Variants in FMN1 observed in about 807,000 individuals in gnomAD.
The protein encoded by FMN1 is formin 1, also known as formin-1.
Under a neutral mutation model 132.4 loss-of-function variants are expected in FMN1, and 110 were observed. That is an observed-to-expected ratio of 0.83 (90% CI 0.71 to 0.97). FMN1 has a LOEUF of 0.97. Among genes scored for constraint, FMN1 ranks in the 50% least tolerant of loss-of-function variants. The pLI is 0.00. For missense variants in FMN1, 1,792 were observed against 1,705.3 expected (o/e 1.05, Z -0.90); for synonymous variants, 722 against 651.7 (o/e 1.11, Z -1.64).
intron 4 of FMN1, among the ~76,000 whole-genome samples, chr15:33,120,724 A>G (rs1330693585): frequency 1.3e-5 from 2 of 152,096 alleles, no homozygotes; most frequent in Admixed American, 1.3e-4. Context: ...TTTTACAGAC[A>G]TATATATAAG....
chr15:33,122,514 A>G (rs192143986), intron 4 of FMN1, among the ~76,000 whole-genome samples: 54 of 152,338 alleles, frequency 3.5e-4, no homozygotes, highest in African/African-American at 1.3e-3. Context: ...TATACCTTCT[A>G]GATGTCCCAA....
At chr15:33,164,325 C>T (rs1245892145) in intron 3 of FMN1, among the ~76,000 whole-genome samples, 2 of 152,162 alleles carry the variant, frequency 1.3e-5, no homozygotes. Flanking sequence ...TGTGAGACCA[C>T]CAGCATAAGC....
At chr15:32,895,049 T>C (rs1356425115) in intron 15 of FMN1, among the ~76,000 whole-genome samples, 4 of 152,220 alleles carry the variant, frequency 2.6e-5, no homozygotes, top group Admixed American at 2.0e-4. Flanking sequence ...ATTGTACACC[T>C]ACCAAAATTT....
intron 4 of FMN1, among the ~76,000 whole-genome samples, chr15:33,098,801 G>A (rs985814386): frequency 2.6e-5 from 4 of 152,080 alleles, no homozygotes; most frequent in Non-Finnish European, 5.9e-5. Context: ...CCTTTTCCCT[G>A]CCTCTAGTTC....
intron 2 of FMN1, among the ~76,000 whole-genome samples, chr15:33,188,015 T>G (rs1402649797): frequency 6.6e-6 from 1 of 152,150 alleles, no homozygotes; most frequent in African/African-American, 2.4e-5. Context: ...ATGCACTGAT[T>G]GAAATGCTAA....
chr15:32,840,367 T>G (rs896623613), intron 17 of FMN1, among the ~76,000 whole-genome samples: 20 of 152,192 alleles, frequency 1.3e-4, no homozygotes, highest in African/African-American at 4.6e-4. Flanking sequence ...TGATATTATT[T>G]GAATATCTAG....
At chr15:32,816,575 G>A (rs543735137) in intron 17 of FMN1, among the ~76,000 whole-genome samples, 1 of 152,298 alleles carries the variant, frequency 6.6e-6, no homozygotes, top group African/African-American at 2.4e-5. Flanking sequence ...CACTTTGAAA[G>A]CGAGTGACCT....
At chr15:32,965,117 G>C (rs1316656090) in intron 8 of FMN1, among the ~76,000 whole-genome samples, 1 of 152,130 alleles carries the variant, frequency 6.6e-6, no homozygotes, top group Non-Finnish European at 1.5e-5. Context: ...ATGTTTACTG[G>C]TCAGGCATGG....
intron 5 of FMN1, chr15:33,067,554 C>T (rs796529816): frequency 1.9e-6 from 3 of 1,613,960 alleles, no homozygotes; most frequent in Non-Finnish European, 1.7e-6. Flanking sequence ...GTCCCTGCTT[C>T]TTTTCTCTGA....
intron 19 of FMN1, among the ~76,000 whole-genome samples, chr15:32,790,402 G>A (rs779940353): frequency 1.4e-4 from 21 of 152,146 alleles, no homozygotes; most frequent in Non-Finnish European, 2.8e-4. Context: ...AAGCCTACCT[G>A]GTACATGTAA....
chr15:32,799,051 T>C, intron 18 of FMN1, 98 bp from the exon 19 acceptor site: 1 of 953,172 alleles, frequency 1.0e-6, no homozygotes, highest in Non-Finnish European at 1.6e-6. Flanking sequence ...GTTTCTCTTG[T>C]GTTTATTTTG....
intron 6 of FMN1, among the ~76,000 whole-genome samples, chr15:33,032,016 C>T (rs1271311702): frequency 6.6e-6 from 1 of 152,150 alleles, no homozygotes; most frequent in African/African-American, 2.4e-5. Flanking sequence ...TCATTAACAA[C>T]AAAAATAATA....
intron 16 of FMN1, among the ~76,000 whole-genome samples, chr15:32,869,204 G>C (rs774051856): frequency 4.6e-5 from 7 of 152,184 alleles, no homozygotes; most frequent in Admixed American, 4.6e-4. Flanking sequence ...TCAGATCACT[G>C]GTGTTCTGCA....
At chr15:33,090,571 C>T (rs1197553916) in intron 4 of FMN1, among the ~76,000 whole-genome samples, 1 of 152,044 alleles carries the variant, frequency 6.6e-6, no homozygotes, top group African/African-American at 2.4e-5. Context: ...CTATGTTCCC[C>T]CTGCAGACAC....
chr15:32,847,311 T>C (rs1049148495), intron 17 of FMN1, among the ~76,000 whole-genome samples: 3 of 151,992 alleles, frequency 2.0e-5, no homozygotes, highest in African/African-American at 7.2e-5. Flanking sequence ...TGTGTAAATA[T>C]CTGCTGCTGC....
intron 19 of FMN1, among the ~76,000 whole-genome samples, chr15:32,786,478 A>G (rs1319386599): frequency 6.6e-6 from 1 of 152,164 alleles, no homozygotes; most frequent in African/African-American, 2.4e-5. Flanking sequence ...TTCAGAAGAA[A>G]AAGTCAGAAA....
rs192582025 is a variant in FMN1 at position 32,851,886 on chromosome 15, C to G, written c.3928+5129G>C. Reference sequence around the variant, plus strand: ...CAACGCACGTGACTTCTCAGGCATACAGAACACAATTGCTTAAAACTTTAT... The same window carrying G: ...CAACGCACGTGACTTCTCAGGCATAGAGAACACAATTGCTTAAAACTTTAT... On this transcript the variant is annotated intron_variant, in intron 17 of 20. Transcript: ENST00000616417. 8.4e-4 allele frequency among the ~76,000 whole-genome samples: 128 copies of G among 152,278 alleles called. 1 individual carries two copies. The highest frequency in any genetic ancestry group is 2.7e-3 in the African/African-American group (114 of 41,556).
At chr15:32,915,767 C>G (rs903505131) in intron 10 of FMN1, among the ~76,000 whole-genome samples, 1 of 152,238 alleles carries the variant, frequency 6.6e-6, no homozygotes, top group Non-Finnish European at 1.5e-5. Context: ...ATTGCTACTG[C>G]AATATCAATC....
intron 5 of FMN1, among the ~76,000 whole-genome samples, chr15:33,075,664 ATT>A (rs1352151947): frequency 6.6e-6 from 1 of 152,160 alleles, no homozygotes; most frequent in African/African-American, 2.4e-5. Flanking sequence ...CAACTCAGTT[ATT>A]TGAGAGAAAA....
Sources: gnomAD v4.1 joint callset for allele counts (sites outside exome capture counted in the v4.1 genomes callset) on GRCh38, gnomAD v4.1.1 for gene constraint, MANE v1.5 for transcripts, NCBI Gene and HGNC (gene_info 2026-07-23, HGNC 2026-07-21) for gene names.